GPM6A: variants seen among roughly 807,000 people sequenced by gnomAD.
GPM6A encodes glycoprotein M6A, also known as neuronal membrane glycoprotein M6-a.
GPM6A carries 7 observed loss-of-function variants against 32.1 expected under a neutral mutation model. The ratio of observed to expected loss-of-function variants is 0.22; its 90% CI spans 0.12 to 0.41. GPM6A has a LOEUF of 0.41. GPM6A is among the 10% of genes least tolerant of loss of function. The pLI is 1.00. For missense variants in GPM6A, 235 were observed against 347.2 expected (o/e 0.68, Z 2.57); for synonymous variants, 130 against 123.4 (o/e 1.05, Z -0.35).
At chr4:175,820,500 C>CTTTTTTTTTTTTT (rs66569311) in intron 1 of GPM6A, among the ~76,000 whole-genome samples, 3 of 112,126 alleles carry the variant, frequency 2.7e-5, no homozygotes, top group Non-Finnish European at 5.1e-5. Flanking sequence ...TCTTTTCTTT[C>CTTTTTTTTTTTTT]TTTTTTTTTT....
intron 1 of GPM6A, among the ~76,000 whole-genome samples, chr4:175,981,553 G>A (rs1202674541): frequency 6.6e-6 from 1 of 152,078 alleles, no homozygotes; most frequent in South Asian, 2.1e-4. Flanking sequence ...CATGTCCTAT[G>A]TTATTGAGAG....
At position 175,635,011 on chromosome 4, in the gene GPM6A, T is replaced by C; in HGVS notation, c.731A>G (p.Asp244Gly). The C allele has an allele frequency of 6.2e-7, 1 of 1,613,772 alleles. No homozygotes were observed. The highest frequency in any genetic ancestry group is 1.1e-5 in the South Asian group (1 of 91,080). The change falls in exon 7 of 7, where the codon GAC (aspartate) becomes GGC (glycine). Residue 244 changes from aspartate (D) to glycine (G), a missense_variant. Coordinates refer to ENST00000393658, the MANE Select transcript of GPM6A (RefSeq NM_201591.3). ...VLSANWAYVK[D>G]ACRMQKYEDI... ...TTCATACTTCTGCATCCGGCAGGCG[T>C]CTTTCACATAGGCCCAGTTGGCAGA...
At chr4:175,878,721 C>G (rs1430801560) in intron 1 of GPM6A, among the ~76,000 whole-genome samples, 1 of 152,112 alleles carries the variant, frequency 6.6e-6, no homozygotes, top group Non-Finnish European at 1.5e-5. Flanking sequence ...TCCCCATGGT[C>G]TGGGTGGTTA....
chr4:175,920,136 G>A (rs978013625), intron 1 of GPM6A, among the ~76,000 whole-genome samples: 3 of 152,202 alleles, frequency 2.0e-5, no homozygotes, highest in African/African-American at 7.2e-5. Context: ...CTATGCTTGT[G>A]AACAGAAGGG....
chr4:175,713,222 AG>A (rs1745650376), intron 1 of GPM6A, among the ~76,000 whole-genome samples: 1 of 150,088 alleles, frequency 6.7e-6, no homozygotes, highest in South Asian at 2.1e-4. Context: ...TTTTTATTTA[AG>A]AGGGAGTCTC....
chr4:175,637,684 TA>T (rs1740846697), intron 6 of GPM6A, among the ~76,000 whole-genome samples: 1 of 1,546 alleles, frequency 6.5e-4, no homozygotes, highest in South Asian at 0.013. Flanking sequence ...AATATATATA[TA>T]ATATATAATA....
chr4:175,826,471 T>C (rs1197807491), intron 1 of GPM6A, among the ~76,000 whole-genome samples: 6 of 152,176 alleles, frequency 3.9e-5, no homozygotes, highest in Non-Finnish European at 8.8e-5. Flanking sequence ...TGCATATTTC[T>C]GAGTTGTTAA....
chr4:175,906,157 C>T (rs1400009010), intron 1 of GPM6A, among the ~76,000 whole-genome samples: 1 of 152,078 alleles, frequency 6.6e-6, no homozygotes, highest in African/African-American at 2.4e-5. Context: ...CATTGAAATT[C>T]AAGAACGATG....
At chr4:175,766,098 C>T (rs958478496) in intron 1 of GPM6A, among the ~76,000 whole-genome samples, 2 of 152,142 alleles carry the variant, frequency 1.3e-5, no homozygotes, top group Admixed American at 6.5e-5. Flanking sequence ...ACTACTCGGT[C>T]CTACATGAGA....
chr4:175,895,152 C>A (rs1001329852), intron 1 of GPM6A, among the ~76,000 whole-genome samples: 6 of 152,200 alleles, frequency 3.9e-5, no homozygotes, highest in Non-Finnish European at 7.4e-5. Flanking sequence ...AGAATGAAAT[C>A]ATCTTGTGAT....
chr4:175,685,194 G>A (rs1337028173), intron 2 of GPM6A, among the ~76,000 whole-genome samples: 1 of 152,050 alleles, frequency 6.6e-6, no homozygotes, highest in Admixed American at 6.6e-5. Flanking sequence ...TGGCCTATGT[G>A]TGTTTATTTT....
intron 1 of GPM6A, among the ~76,000 whole-genome samples, chr4:175,799,862 G>C (rs1734403640): frequency 6.6e-6 from 1 of 151,848 alleles, no homozygotes; most frequent in Admixed American, 6.6e-5. Flanking sequence ...TTTTAGTAGA[G>C]ACGGGGTTTC....
At chr4:175,981,647 A>C (rs1740819175) in intron 1 of GPM6A, among the ~76,000 whole-genome samples, 2 of 152,186 alleles carry the variant, frequency 1.3e-5, no homozygotes, top group African/African-American at 4.8e-5. Context: ...GTCACAGATT[A>C]TTCCCAATTT....
chr4:175,763,139 A>T (rs1732817427), intron 1 of GPM6A, among the ~76,000 whole-genome samples: 1 of 152,198 alleles, frequency 6.6e-6, no homozygotes, highest in Non-Finnish European at 1.5e-5. Context: ...ACTACTTTTC[A>T]ATACATTTTC....
At chr4:175,838,488 CAA>C (rs1457214656) in intron 1 of GPM6A, among the ~76,000 whole-genome samples, 2 of 151,184 alleles carry the variant, frequency 1.3e-5, no homozygotes, top group African/African-American at 4.9e-5. Context: ...TTCCCTGCAA[CAA>C]AGTCAGTAGT....
intron 1 of GPM6A, among the ~76,000 whole-genome samples, chr4:175,742,182 C>T (rs1731913801): frequency 6.6e-6 from 1 of 152,056 alleles, no homozygotes; most frequent in African/African-American, 2.4e-5. Context: ...CCCAAATACT[C>T]ATATTGCAAT....
chr4:175,746,945 T>C (rs1263390598), intron 1 of GPM6A, among the ~76,000 whole-genome samples: 2 of 152,148 alleles, frequency 1.3e-5, no homozygotes, highest in Non-Finnish European at 2.9e-5. Flanking sequence ...TCTCTTGTCA[T>C]GCACACACTG....
At chr4:175,807,664 A>G (rs1347921058) in intron 1 of GPM6A, 1 of 152,222 alleles carries the variant, frequency 6.6e-6, no homozygotes, top group Non-Finnish European at 1.5e-5. Context: ...TGCCCTTGAA[A>G]AAGTTTTCAT....
intron 4 of GPM6A, 125 bp downstream of exon 4, chr4:175,651,709 A>G (rs1158214522): frequency 1.4e-6 from 1 of 729,428 alleles, no homozygotes; most frequent in Non-Finnish European, 2.3e-6. Context: ...ACTCTGATAA[A>G]TTTATCTCTG....
Sources: gnomAD v4.1 joint callset for allele counts (sites outside exome capture counted in the v4.1 genomes callset) on GRCh38, gnomAD v4.1.1 for gene constraint, MANE v1.5 for transcripts, NCBI Gene and HGNC (gene_info 2026-07-23, HGNC 2026-07-21) for gene names.